Variants in NWD2 observed in about 807,000 individuals in gnomAD.
NWD2 encodes the protein NACHT and WD repeat domain-containing protein 2.
NWD2 carries 37 observed loss-of-function variants against 132.7 expected under a neutral mutation model. The observed-to-expected ratio is 0.28, with a 90% CI of 0.21 to 0.37. The LOEUF (loss-of-function observed/expected upper bound fraction) is 0.37. NWD2 is among the 10% of genes least tolerant of loss of function. The pLI, the probability that NWD2 is intolerant of heterozygous loss-of-function variation, is 1.00. For missense variants in NWD2, 1,592 were observed against 2,122.4 expected, an observed-to-expected ratio of 0.75 and a Z score of 4.91; for synonymous variants, 705 against 803.0, an observed-to-expected ratio of 0.88 and a Z score of 2.06.
intron 2 of NWD2, among the ~76,000 whole-genome samples, chr4:37,346,880 A>G (rs1719648329): frequency 6.6e-6 from 1 of 152,084 alleles, no homozygotes; most frequent in Admixed American, 6.5e-5. Flanking sequence ...TTGCTAGTGT[A>G]TAGAAATAGG....
At chr4:37,280,151 A>G (rs746351398) in intron 1 of NWD2, among the ~76,000 whole-genome samples, 3 of 152,228 alleles carry the variant, frequency 2.0e-5, no homozygotes, top group African/African-American at 4.8e-5. Flanking sequence ...GCGAATTGAT[A>G]TAAGTAAGAG....
At chr4:37,406,328 G>T (rs142346212) in intron 3 of NWD2, among the ~76,000 whole-genome samples, 7 of 152,160 alleles carry the variant, frequency 4.6e-5, no homozygotes, top group Admixed American at 2.6e-4. Flanking sequence ...GATCTTTTGT[G>T]CTTCATAATT....
chr4:37,339,644 T>C (rs1719479427), intron 2 of NWD2, among the ~76,000 whole-genome samples: 1 of 152,220 alleles, frequency 6.6e-6, no homozygotes, highest in Non-Finnish European at 1.5e-5. Flanking sequence ...ATGAGGCCTT[T>C]CTCAAATTCT....
chr4:37,391,057 C>G (rs762693795), intron 3 of NWD2, among the ~76,000 whole-genome samples: 8 of 152,134 alleles, frequency 5.3e-5, no homozygotes, highest in Non-Finnish European at 1.0e-4. Flanking sequence ...TCACCAACAT[C>G]CAGTTTGGGT....
chr4:37,327,077 T>G (rs1719187813), intron 2 of NWD2, among the ~76,000 whole-genome samples: 1 of 152,134 alleles, frequency 6.6e-6, no homozygotes, highest in Non-Finnish European at 1.5e-5. Flanking sequence ...AGCACTGCCT[T>G]CTCTGAGGAA....
At chr4:37,397,176 G>GGT (rs148467345) in intron 3 of NWD2, among the ~76,000 whole-genome samples, 2,204 of 152,246 alleles carry the variant, frequency 0.014, 19 homozygotes, top group Non-Finnish European at 0.023. Flanking sequence ...CAGCCCAGCA[G>GGT]GTGTGTCTAG....
intron 1 of NWD2, among the ~76,000 whole-genome samples, chr4:37,307,977 A>G (rs891215712): frequency 3.9e-5 from 6 of 152,120 alleles, no homozygotes; most frequent in African/African-American, 1.4e-4. Context: ...TCTATGTATT[A>G]AATTTCTCAT....
At chr4:37,289,071 C>G (rs1718306080) in intron 1 of NWD2, among the ~76,000 whole-genome samples, 1 of 152,014 alleles carries the variant, frequency 6.6e-6, no homozygotes, top group African/African-American at 2.4e-5. Flanking sequence ...TGGTTTACAT[C>G]TAGTGTTTTA....
chr4:37,302,164 A>T (rs1375577594), intron 1 of NWD2, among the ~76,000 whole-genome samples: 1 of 151,754 alleles, frequency 6.6e-6, no homozygotes, highest in Non-Finnish European at 1.5e-5. Flanking sequence ...CTCTATTTTT[A>T]TGAGCTCAAC....
At chr4:37,246,954 AT>A (rs1214153295) in intron 1 of NWD2, among the ~76,000 whole-genome samples, 15 of 152,164 alleles carry the variant, frequency 9.9e-5, no homozygotes, top group Non-Finnish European at 1.8e-4. Flanking sequence ...GGTTAATGTC[AT>A]TTTTTTAAGC....
At chr4:37,437,805 G>A (rs972919508) in intron 5 of NWD2, among the ~76,000 whole-genome samples, 2 of 152,010 alleles carry the variant, frequency 1.3e-5, no homozygotes, top group Non-Finnish European at 2.9e-5. Flanking sequence ...ATATGTACTT[G>A]TGTGCAAGCA....
intron 3 of NWD2, among the ~76,000 whole-genome samples, chr4:37,387,099 A>G (rs1284064118): frequency 6.6e-6 from 1 of 152,192 alleles, no homozygotes; most frequent in Non-Finnish European, 1.5e-5. Context: ...ATCACTGTTA[A>G]CTACATTATT....
intron 1 of NWD2, among the ~76,000 whole-genome samples, chr4:37,248,830 T>C (rs939166267): frequency 1.3e-5 from 2 of 152,224 alleles, no homozygotes; most frequent in Non-Finnish European, 2.9e-5. Context: ...ATGAAAACAG[T>C]GCAGGTCCAC....
chr4:37,277,242 A>G (rs1013098456), intron 1 of NWD2, among the ~76,000 whole-genome samples: 2 of 151,648 alleles, frequency 1.3e-5, no homozygotes, highest in African/African-American at 4.8e-5. Flanking sequence ...GAGTTTTACT[A>G]TGACATGTCC....
At chr4:37,412,134 G>A (rs1175223266) in intron 3 of NWD2, among the ~76,000 whole-genome samples, 1 of 152,168 alleles carries the variant, frequency 6.6e-6, no homozygotes, top group African/African-American at 2.4e-5. Flanking sequence ...GTTCTGGCCA[G>A]GGCAATGAGG....
chr4:37,375,260 T>C (rs1332659828), intron 3 of NWD2, among the ~76,000 whole-genome samples: 2 of 152,246 alleles, frequency 1.3e-5, no homozygotes, highest in Non-Finnish European at 2.9e-5. Context: ...TTAATGTTTA[T>C]TGAAAGGAAT....
chr4:37,297,151 G>T (rs938060180), intron 1 of NWD2, among the ~76,000 whole-genome samples: 1 of 151,872 alleles, frequency 6.6e-6, no homozygotes, highest in African/African-American at 2.4e-5. Flanking sequence ...GTATCCATGG[G>T]GGATTGATTC....
chr4:37,279,638 A>G (rs1436260053), intron 1 of NWD2, among the ~76,000 whole-genome samples: 1 of 152,180 alleles, frequency 6.6e-6, no homozygotes, highest in Non-Finnish European at 1.5e-5. Context: ...CCTGGCAAAA[A>G]TCAGTTATGG....
chr4:37,337,136 A>G (rs1009895366), intron 2 of NWD2, among the ~76,000 whole-genome samples: 1 of 152,180 alleles, frequency 6.6e-6, no homozygotes, highest in Non-Finnish European at 1.5e-5. Flanking sequence ...GCAACAGACT[A>G]AAACGTATGG....
Sources: gnomAD v4.1 joint callset for allele counts (sites outside exome capture counted in the v4.1 genomes callset) on GRCh38, gnomAD v4.1.1 for gene constraint, MANE v1.5 for transcripts, NCBI Gene and HGNC (gene_info 2026-07-23, HGNC 2026-07-21) for gene names.